The following MAF variants were observed in gnomAD, a reference collection of about 807,000 sequenced individuals.
The protein encoded by MAF is MAF bZIP transcription factor, also known as transcription factor Maf.
Under a neutral mutation model 22.0 loss-of-function variants are expected in MAF, and 10 were observed. The observed-to-expected ratio is 0.45, with a 90% CI of 0.28 to 0.77. MAF has a LOEUF of 0.77. Among genes scored for constraint, MAF ranks in the 30% least tolerant of loss-of-function variants. MAF has a pLI of 0.12. For missense variants in MAF, 544 were observed against 548.4 expected (o/e 0.99, Z 0.08); for synonymous variants, 337 against 255.8 (o/e 1.32, Z -3.03).
the MAF span, among the ~76,000 whole-genome samples, chr16:79,514,527 G>A: frequency 1.3e-5 from 2 of 152,164 alleles, 1 homozygote. Context: ...ATGACCCAGA[G>A]CTTTGATTTT....
the MAF span, among the ~76,000 whole-genome samples, chr16:79,466,314 G>T: frequency 9.3e-3 from 1,411 of 152,286 alleles, 11 homozygotes; most frequent in Non-Finnish European, 0.014. Flanking sequence ...GTGAATGAAG[G>T]ATGACTCATG....
At chr16:79,227,184 T>A in the MAF span, among the ~76,000 whole-genome samples, 1 of 151,910 alleles carries the variant, frequency 6.6e-6, no homozygotes, top group Non-Finnish European at 1.5e-5. Flanking sequence ...TGGTCTCAAA[T>A]CCCGTCTCTA....
the MAF span, among the ~76,000 whole-genome samples, chr16:79,468,914 G>C: frequency 6.6e-6 from 1 of 152,112 alleles, no homozygotes; most frequent in African/African-American, 2.4e-5. Flanking sequence ...TGCTTTGATT[G>C]CCTTCAATCA....
chr16:79,589,944 G>A (rs1279881263), downstream of MAF, among the ~76,000 whole-genome samples: 2 of 152,140 alleles, frequency 1.3e-5, no homozygotes, highest in Non-Finnish European at 2.9e-5. Context: ...GCACTGCCGC[G>A]GGTCTGGGAC....
intron 1 of MAF, chr16:79,598,006 A>T (rs978451085): frequency 9.8e-7 from 1 of 1,023,570 alleles, no homozygotes; most frequent in African/African-American, 1.7e-5. Context: ...TTGATTGTGG[A>T]AGGTTCATGA....
the MAF span, among the ~76,000 whole-genome samples, chr16:79,281,049 G>T: frequency 6.6e-6 from 1 of 152,036 alleles, no homozygotes; most frequent in Admixed American, 6.5e-5. Context: ...GGGAGAAAAA[G>T]AGACAGAAGG....
chr16:79,574,996 C>A, the MAF span, among the ~76,000 whole-genome samples: 1 of 151,156 alleles, frequency 6.6e-6, no homozygotes, highest in African/African-American at 2.4e-5. Context: ...GTTCTCAATC[C>A]TAATTGTACA....
chr16:79,480,933 T>G, the MAF span, among the ~76,000 whole-genome samples: 15 of 152,192 alleles, frequency 9.9e-5, no homozygotes, highest in Admixed American at 9.8e-4. Flanking sequence ...GCAGTTGTGC[T>G]TGGTGCACAT....
chr16:79,464,256 C>T, the MAF span, among the ~76,000 whole-genome samples: 1 of 152,180 alleles, frequency 6.6e-6, no homozygotes, highest in African/African-American at 2.4e-5. Context: ...ACTCCAGAGG[C>T]CAGACAGGTA....
chr16:79,512,490 C>A, the MAF span, among the ~76,000 whole-genome samples: 1 of 152,104 alleles, frequency 6.6e-6, no homozygotes, highest in Non-Finnish European at 1.5e-5. Flanking sequence ...AGAATCCAGG[C>A]CCATCTCCAG....
downstream of MAF, among the ~76,000 whole-genome samples, chr16:79,583,055 G>A (rs1472381616): frequency 6.6e-6 from 1 of 152,114 alleles, no homozygotes; most frequent in African/African-American, 2.4e-5. Flanking sequence ...TTTGGTTATG[G>A]CTTCTTTACT....
At chr16:79,570,926 C>T in the MAF span, among the ~76,000 whole-genome samples, 1 of 152,174 alleles carries the variant, frequency 6.6e-6, no homozygotes, top group Non-Finnish European at 1.5e-5. Context: ...CAGATGCCGC[C>T]TGGGTTCCTT....
chr16:79,594,405 T>G lies in MAF; in HGVS notation c.*55A>C. 3 of 1,489,538 alleles carry G rather than the reference T, an allele frequency of 2.0e-6. No homozygotes were observed. Among genetic ancestry groups the G allele is most frequent in the Non-Finnish European group, 2.8e-6 (3 of 1,090,832 alleles). 92.3% of individuals were successfully genotyped at this position (1,489,538 alleles called of 1,614,324 possible). A position where few individuals can be genotyped will look rare whatever the true frequency, so the allele number is the denominator to read the frequency against. On this transcript the variant is annotated 3_prime_UTR_variant, in exon 2 of 2. Coordinates refer to ENST00000326043, the MANE Select transcript of MAF (RefSeq NM_005360.5). ...TCAGGGGTAGGTGGTTCTCCATGAC[T>G]GCAAATAATAATAATAATGATGATT...
At chr16:79,347,556 G>A in the MAF span, among the ~76,000 whole-genome samples, 7 of 152,232 alleles carry the variant, frequency 4.6e-5, no homozygotes, top group African/African-American at 1.7e-4. Context: ...CTATTATCGA[G>A]AAAAGTTCTT....
the MAF span, among the ~76,000 whole-genome samples, chr16:79,405,933 T>A: frequency 6.6e-6 from 1 of 152,192 alleles, no homozygotes; most frequent in Non-Finnish European, 1.5e-5. Context: ...GCCAGCATCA[T>A]CAGTATCTCA....
At chr16:79,342,948 G>C in the MAF span, among the ~76,000 whole-genome samples, 2 of 152,014 alleles carry the variant, frequency 1.3e-5, no homozygotes, top group Non-Finnish European at 2.9e-5. Flanking sequence ...CTTGAAAAAA[G>C]GAAGATGTGC....
chr16:79,261,180 C>T, the MAF span, among the ~76,000 whole-genome samples: 2 of 152,076 alleles, frequency 1.3e-5, no homozygotes, highest in African/African-American at 4.8e-5. Flanking sequence ...GAGACAGAGT[C>T]TTGCTCTTGT....
At chr16:79,412,680 T>C in the MAF span, among the ~76,000 whole-genome samples, 1 of 152,156 alleles carries the variant, frequency 6.6e-6, no homozygotes, top group Non-Finnish European at 1.5e-5. Flanking sequence ...AAAATGGGGA[T>C]CGCAGTTCCT....
chr16:79,536,282 G>A, the MAF span, among the ~76,000 whole-genome samples: 12 of 152,338 alleles, frequency 7.9e-5, no homozygotes, highest in African/African-American at 2.4e-4. Flanking sequence ...AAAGGCACAT[G>A]CAGTCAGCCT....
Sources: allele counts gnomAD v4.1 joint callset (sites outside exome capture counted in the v4.1 genomes callset), GRCh38; gene constraint gnomAD v4.1.1; transcripts MANE v1.5; gene names NCBI Gene and HGNC (gene_info 2026-07-23, HGNC 2026-07-21).